Variants in IQCM observed in about 807,000 individuals in gnomAD.
IQCM encodes IQ domain-containing protein M.
Under a neutral mutation model 57.6 loss-of-function variants are expected in IQCM, and 45 were observed. The observed-to-expected ratio is 0.78, with a 90% CI of 0.62 to 1.00. The LOEUF is 1.00. Ranked by LOEUF, IQCM falls within the 50% of genes least tolerant of loss-of-function variation. IQCM has a pLI of 0.00. For synonymous variants in IQCM, 148 were observed against 158.9 expected, an observed-to-expected ratio of 0.93 and a Z score of 0.51; for missense variants, 468 against 511.6, an observed-to-expected ratio of 0.91 and a Z score of 0.82.
At chr4:149,451,161 AG>A (rs1423225063) in intron 12 of IQCM, among the ~76,000 whole-genome samples, 1 of 151,796 alleles carries the variant, frequency 6.6e-6, no homozygotes, top group African/African-American at 2.4e-5. Context: ...GGAGATAGAG[AG>A]TAGAAAGATA....
Position 149,442,943 on chromosome 4 carries a change from CACACACACACAGAG to C in IQCM, c.1229-9400_1229-9387del, listed in dbSNP as rs1409699764. On this transcript the variant is annotated intron_variant, in intron 12 of 13. Coordinates refer to ENST00000636793, the MANE Select transcript of IQCM (RefSeq NM_001363507.2). The stretch of plus-strand genomic sequence containing the variant: ...CTCTCAATACACACACACACACACA[CACACACACACAGAG>C]AGAGAGAGAGAGAGAGAGAGAGAGA... Among the ~76,000 whole-genome samples the C allele has an allele frequency of 1.1e-3, 59 of 53,768 alleles. No homozygotes were observed. The South Asian group carries it at 0.06, about 55-fold the overall frequency. The allele number at this position is 53,768 out of a possible 152,430, so 35.3% of individuals were successfully genotyped here.
At chr4:149,719,866 T>C (rs994773945) in intron 5 of IQCM, among the ~76,000 whole-genome samples, 2 of 152,140 alleles carry the variant, frequency 1.3e-5, no homozygotes, top group African/African-American at 4.8e-5. Flanking sequence ...AGAGGAGTAT[T>C]TTTCCAAATC....
chr4:149,613,312 T>C (rs1015951697), intron 8 of IQCM, among the ~76,000 whole-genome samples: 1 of 152,132 alleles, frequency 6.6e-6, no homozygotes, highest in African/African-American at 2.4e-5. Flanking sequence ...CATTATGTGA[T>C]AAAATTTTTC....
chr4:149,799,285 G>A (rs944916917), intron 2 of IQCM, among the ~76,000 whole-genome samples: 14 of 151,414 alleles, frequency 9.2e-5, no homozygotes, highest in Admixed American at 7.2e-4. Flanking sequence ...ATTGAAAAAG[G>A]TCTTGAAAAA....
At chr4:149,806,006 A>T (rs911966231) in intron 2 of IQCM, among the ~76,000 whole-genome samples, 1 of 151,948 alleles carries the variant, frequency 6.6e-6, no homozygotes, top group African/African-American at 2.4e-5. Context: ...GAGAAATATA[A>T]TTGGAGTTGG....
At chr4:149,479,608 G>A (rs1179604206) in intron 12 of IQCM, among the ~76,000 whole-genome samples, 8 of 152,190 alleles carry the variant, frequency 5.3e-5, no homozygotes, top group East Asian at 1.9e-4. Context: ...AAGAATTCAA[G>A]GAGTTCCTCC....
At chr4:149,556,669 T>G (rs1749616925) in intron 10 of IQCM, among the ~76,000 whole-genome samples, 1 of 152,200 alleles carries the variant, frequency 6.6e-6, no homozygotes, top group South Asian at 2.1e-4. Context: ...AAATTGAACA[T>G]TCTAAATAGT....
chr4:149,354,378 A>AAAAAC (rs1728801308), intron 13 of IQCM, among the ~76,000 whole-genome samples: 1 of 142,202 alleles, frequency 7.0e-6, no homozygotes, highest in Non-Finnish European at 1.5e-5. Flanking sequence ...AAAAAAAAAA[A>AAAAAC]AAAAAAAAAA....
At chr4:149,544,177 A>C (rs1021637311) in intron 12 of IQCM, among the ~76,000 whole-genome samples, 1 of 152,198 alleles carries the variant, frequency 6.6e-6, no homozygotes, top group African/African-American at 2.4e-5. Context: ...TGGTGACATT[A>C]TCTCTAAACA....
chr4:149,517,300 T>G, intron 12 of IQCM, among the ~76,000 whole-genome samples: 1 of 152,168 alleles, frequency 6.6e-6, no homozygotes, highest in East Asian at 1.9e-4. Flanking sequence ...TGTTTGTGCA[T>G]GTATACACTT....
chr4:149,526,483 C>T (rs1746174867), intron 12 of IQCM, among the ~76,000 whole-genome samples: 2 of 152,058 alleles, frequency 1.3e-5, no homozygotes, highest in South Asian at 2.1e-4. Context: ...GTTCTTTTCA[C>T]TGTGAAAAAT....
intron 12 of IQCM, among the ~76,000 whole-genome samples, chr4:149,491,008 G>C (rs547446276): frequency 6.6e-6 from 1 of 152,150 alleles, no homozygotes; most frequent in East Asian, 1.9e-4. Context: ...TGCTCATAAA[G>C]TACGTGAGTG....
chr4:149,486,043 C>A (rs563133236), intron 12 of IQCM, among the ~76,000 whole-genome samples: 1 of 151,374 alleles, frequency 6.6e-6, no homozygotes, highest in Non-Finnish European at 1.5e-5. Context: ...CTCTCTCTCT[C>A]TCTCTCTCTC....
chr4:149,407,643 T>C (rs760514406), intron 13 of IQCM, among the ~76,000 whole-genome samples: 1 of 152,144 alleles, frequency 6.6e-6, no homozygotes, highest in East Asian at 1.9e-4. Flanking sequence ...GCAAAAGACA[T>C]GATGATTTCA....
intron 13 of IQCM, among the ~76,000 whole-genome samples, chr4:149,387,654 C>T (rs944730437): frequency 2.6e-5 from 4 of 151,938 alleles, no homozygotes; most frequent in Admixed American, 1.3e-4. Flanking sequence ...ATAATAGAAA[C>T]TGGTGCAGGG....
chr4:149,455,690 G>A (rs905374848), intron 12 of IQCM, among the ~76,000 whole-genome samples: 1 of 152,086 alleles, frequency 6.6e-6, no homozygotes, highest in African/African-American at 2.4e-5. Flanking sequence ...AATAAGCCAG[G>A]CATGGTGTCT....
chr4:149,409,889 A>G (rs1733249636), intron 13 of IQCM, among the ~76,000 whole-genome samples: 1 of 152,154 alleles, frequency 6.6e-6, no homozygotes, highest in African/African-American at 2.4e-5. Flanking sequence ...CAGCCTGGTA[A>G]AAGAATCAGT....
intron 2 of IQCM, among the ~76,000 whole-genome samples, chr4:149,776,861 A>T (rs766428542): frequency 2.5e-4 from 37 of 147,178 alleles, no homozygotes; most frequent in Non-Finnish European, 4.9e-4. Flanking sequence ...AAATAATAAT[A>T]AAAAATCACT....
rs1335905242 is a variant in IQCM at position 149,538,780 on chromosome 4, G to A, written c.1228+9675C>T. Among the ~76,000 whole-genome samples, 4 of 151,706 alleles carry A rather than the reference G, an allele frequency of 2.6e-5. No individual in the cohort carries two copies. The Middle Eastern group carries it at 0.01, about 387-fold the overall frequency. Reference sequence around the variant, plus strand: ...AAACTTCTTAGATATAACACCACAAGCATACCCCAGAAAAGAAAAAAAGAA... The same window carrying A: ...AAACTTCTTAGATATAACACCACAAACATACCCCAGAAAAGAAAAAAAGAA... On this transcript the variant is annotated intron_variant, in intron 12 of 13. Coordinates refer to ENST00000636793, the MANE Select transcript of IQCM (RefSeq NM_001363507.2).
Sources: gnomAD v4.1 joint callset for allele counts (sites outside exome capture counted in the v4.1 genomes callset) on GRCh38, gnomAD v4.1.1 for gene constraint, MANE v1.5 for transcripts, NCBI Gene and HGNC (gene_info 2026-07-23, HGNC 2026-07-21) for gene names.